Variants in CCDC63 observed in about 807,000 individuals in gnomAD.
CCDC63 encodes coiled-coil domain containing 63, also known as coiled-coil domain-containing protein 63.
A neutral mutation model predicts 63.6 loss-of-function variants in CCDC63; 54 were observed. That is an observed-to-expected ratio of 0.85 (90% CI 0.68 to 1.07). The LOEUF (loss-of-function observed/expected upper bound fraction) is 1.07. Among genes scored for constraint, CCDC63 ranks in the 50% least tolerant of loss-of-function variants. The pLI, the probability that CCDC63 is intolerant of heterozygous loss-of-function variation, is 0.00. For missense variants in CCDC63, 637 were observed against 689.6 expected, an observed-to-expected ratio of 0.92 and a Z score of 0.86; for synonymous variants, 253 against 266.1, an observed-to-expected ratio of 0.95 and a Z score of 0.48.
At chr12:110,861,220 T>C (rs1052926887) in intron 4 of CCDC63, among the ~76,000 whole-genome samples, 2 of 152,146 alleles carry the variant, frequency 1.3e-5, no homozygotes, top group Non-Finnish European at 2.9e-5. Context: ...AGGATTACCA[T>C]TCAACATGAG....
intron 9 of CCDC63, among the ~76,000 whole-genome samples, chr12:110,893,648 T>C (rs1318311715): frequency 6.6e-6 from 1 of 152,204 alleles, no homozygotes; most frequent in East Asian, 1.9e-4. Flanking sequence ...GTTTTACAGA[T>C]GCAGAGGCTA....
chr12:110,899,427 T>A (rs1479785807), intron 10 of CCDC63, among the ~76,000 whole-genome samples: 1 of 152,174 alleles, frequency 6.6e-6, no homozygotes, highest in Admixed American at 6.6e-5. Flanking sequence ...CAGGCGATCC[T>A]CCCACCTCAG....
intron 4 of CCDC63, among the ~76,000 whole-genome samples, chr12:110,865,908 A>G (rs2070941195): frequency 1.3e-5 from 2 of 152,208 alleles, no homozygotes; most frequent in African/African-American, 4.8e-5. Context: ...ACAATAAGGG[A>G]ACTGTCAGGT....
chr12:110,859,715 G>A (rs370748676), intron 4 of CCDC63, among the ~76,000 whole-genome samples: 7 of 152,104 alleles, frequency 4.6e-5, no homozygotes, highest in East Asian at 1.9e-4. Flanking sequence ...AGTCATGTAC[G>A]TGATCCTACC....
chr12:110,893,642 T>C (rs1219885237), intron 9 of CCDC63, among the ~76,000 whole-genome samples: 1 of 152,194 alleles, frequency 6.6e-6, no homozygotes, highest in Non-Finnish European at 1.5e-5. Context: ...CTCGTCGTTT[T>C]ACAGATGCAG....
At chr12:110,868,129 C>T (rs1230135275) in intron 4 of CCDC63, among the ~76,000 whole-genome samples, 3 of 141,730 alleles carry the variant, frequency 2.1e-5, no homozygotes, top group Non-Finnish European at 3.1e-5. Context: ...ACATTTCAGA[C>T]GATGGGCGGC....
chr12:110,877,845 T>C (rs1216391796), intron 5 of CCDC63, among the ~76,000 whole-genome samples: 4 of 151,670 alleles, frequency 2.6e-5, no homozygotes, highest in African/African-American at 9.7e-5. Flanking sequence ...AGCTGGGGAT[T>C]ACAGGTGCCC....
chr12:110,898,989 G>C lies in CCDC63; in HGVS notation c.1206G>C (p.Glu402Asp), dbSNP rs932775350. The C allele has an allele frequency of 6.2e-7, 1 of 1,613,116 alleles. No individual in the cohort carries two copies. The highest frequency in any genetic ancestry group is 8.5e-7 in the Non-Finnish European group (1 of 1,179,654). The stretch of plus-strand genomic sequence containing the variant: ...ATATGTATGAGAGCAAGTACGGGGA[G>C]GTCAGCAAGACCTTGGATCTATTGA... ...EADMYESKYGEVSKTLDLLKN... is the reference protein window; with the variant it reads ...EADMYESKYGDVSKTLDLLKN... Residue 402 changes from glutamate to aspartate, a missense_variant, in exon 10 of 12, where the codon GAG becomes GAC. Coordinates refer to ENST00000308208, the MANE Select transcript of CCDC63 (RefSeq NM_152591.3).
At chr12:110,873,150 C>T (rs117946466) in intron 4 of CCDC63, among the ~76,000 whole-genome samples, 4,517 of 152,248 alleles carry the variant, frequency 0.03, 83 homozygotes, top group Middle Eastern at 0.048. Flanking sequence ...GTAGGAGAAT[C>T]GCTTGAACCT....
chr12:110,865,463 C>T (rs1169952336), intron 4 of CCDC63, among the ~76,000 whole-genome samples: 1 of 18,618 alleles, frequency 5.4e-5, no homozygotes, highest in Non-Finnish European at 9.6e-5. Flanking sequence ...TCAGCATATA[C>T]CAAAAAAAAA....
Position 110,907,454 on chromosome 12 carries a change from C to A in CCDC63, c.1670C>A (p.Ser557Tyr), listed in dbSNP as rs779504861. 3 of 1,614,168 alleles carry A rather than the reference C, an allele frequency of 1.9e-6. No individual in the cohort carries two copies. The highest frequency in any genetic ancestry group is 2.5e-6 in the Non-Finnish European group (3 of 1,180,030). The change falls in exon 12 of 12, where the codon TCC (serine) becomes TAC (tyrosine). Residue 557 changes from serine (S) to tyrosine (Y), a missense_variant. Transcript: ENST00000308208. The surrounding 1 kb of genome is among the most constrained non-coding windows in gnomAD (Gnocchi z 4.4). ...CCTGAGAAGGTGGATGACTTCAGATCCAGGAAGAAAGTAACCATGTGAGGT... is the reference window on the plus strand; with the variant it reads ...CCTGAGAAGGTGGATGACTTCAGATACAGGAAGAAAGTAACCATGTGAGGT... ...SLPEKVDDFRSRKKVTM is the reference protein window; with the variant it reads ...SLPEKVDDFRYRKKVTM
intron 4 of CCDC63, among the ~76,000 whole-genome samples, chr12:110,863,756 G>A (rs1198267336): frequency 6.6e-6 from 1 of 152,180 alleles, no homozygotes; most frequent in African/African-American, 2.4e-5. Context: ...AGCCAGGCTA[G>A]TATTGAACTC....
chr12:110,877,708 C>CTTTT (rs1317962661), intron 5 of CCDC63, among the ~76,000 whole-genome samples: 8 of 90,732 alleles, frequency 8.8e-5, no homozygotes, highest in African/African-American at 1.3e-4. Context: ...TTCTTTCTTT[C>CTTTT]TTTTTTTTTT....
At chr12:110,903,762 A>C (rs1308438195) in intron 10 of CCDC63, among the ~76,000 whole-genome samples, 1 of 152,172 alleles carries the variant, frequency 6.6e-6, no homozygotes, top group African/African-American at 2.4e-5. Context: ...CTGAGTTTTA[A>C]AACACCTCTA....
chr12:110,890,812 C>G (rs374194206), intron 8 of CCDC63, among the ~76,000 whole-genome samples: 5 of 120,084 alleles, frequency 4.2e-5, no homozygotes, highest in Admixed American at 1.1e-4. Context: ...GGATCTTGCT[C>G]TATCGCCTGG....
Position 110,889,534 on chromosome 12 carries a change from C to T in CCDC63, c.1075-3542C>T, listed in dbSNP as rs1035968500. ...AGGCAGAGGAAACAGCAACAGCACACGCAAAGGCCCTGACGCAGCTTGCAA... is the reference window on the plus strand; with the variant it reads ...AGGCAGAGGAAACAGCAACAGCACATGCAAAGGCCCTGACGCAGCTTGCAA... On this transcript the variant is annotated intron_variant, in intron 8 of 11. Transcript: ENST00000308208. This position sits in a 1 kb window ranked among gnomAD's most constrained non-coding sequence, Gnocchi z 4.1. Among the ~76,000 whole-genome samples, 4 of 152,058 alleles carry T rather than the reference C, an allele frequency of 2.6e-5. No individual in the cohort carries two copies. Among genetic ancestry groups the T allele is most frequent in the African/African-American group, 9.7e-5 (4 of 41,410 alleles).
At chr12:110,873,747 A>G (rs542060935) in intron 4 of CCDC63, 95 bp from the exon 5 acceptor site, 1 of 1,482,612 alleles carries the variant, frequency 6.7e-7, no homozygotes, top group African/African-American at 1.4e-5. Flanking sequence ...ACCCATACAG[A>G]TGCTATCTGA....
Position 110,852,860 on chromosome 12 carries a change from G to GCATT in CCDC63, c.-94_-91dup. 6.3e-7 allele frequency: 1 copy of GCATT among 1,595,608 alleles called. No individual in the cohort carries two copies. The highest frequency in any genetic ancestry group is 1.1e-5 in the South Asian group (1 of 90,668). On this transcript the variant is annotated splice_region_variant and 5_prime_UTR_variant, in exon 2 of 12. Transcript: ENST00000308208. ...TCTTCCTTTTGCCACCATGAACAGG[G>GCATT]CATTGCAGAGAGACAGAGAGAGAGA...
At chr12:110,874,544 A>G (rs1359976888) in intron 5 of CCDC63, among the ~76,000 whole-genome samples, 2 of 152,244 alleles carry the variant, frequency 1.3e-5, no homozygotes, top group African/African-American at 4.8e-5. Context: ...GCATAGCTGG[A>G]TCCAGGTGCT....
Sources: gnomAD v4.1 joint callset for allele counts (sites outside exome capture counted in the v4.1 genomes callset) on GRCh38, gnomAD v4.1.1 for gene constraint, Gnocchi (gnomAD v3.1) non-coding constraint, MANE v1.5 for transcripts, NCBI Gene and HGNC (gene_info 2026-07-23, HGNC 2026-07-21) for gene names.